The following RC3H2 variants were observed in gnomAD, a reference collection of about 807,000 sequenced individuals.
RC3H2 encodes roquin-2.
A neutral mutation model predicts 133.3 loss-of-function variants in RC3H2; 31 were observed. That is an observed-to-expected ratio of 0.23 (90% CI 0.17 to 0.31). The LOEUF is 0.31. Ranked by LOEUF, RC3H2 falls within the 10% of genes least tolerant of loss-of-function variation. The pLI is 1.00. For missense variants in RC3H2, 1,175 were observed against 1,437.2 expected (o/e 0.82, Z 2.95); for synonymous variants, 517 against 502.2 (o/e 1.03, Z -0.40).
chr9:122,874,375 T>C (rs1205869123), intron 9 of RC3H2: 1 of 152,010 alleles, frequency 6.6e-6, no homozygotes, highest in Non-Finnish European at 1.5e-5. Context: ...GATTGAGATA[T>C]AGGAAGATAC....
chr9:122,865,765 T>TTTTTTTTTTTTTTTTTTTTTTGAGACGGA, intron 9 of RC3H2, 108 bp from the exon 10 acceptor site: 2 of 900,014 alleles, frequency 2.2e-6, no homozygotes. Flanking sequence ...GAAACAGTTT[T>TTTTTTTTTTTTTTTTTTTTTTGAGACGGA]GACAAAAAGT....
rs1364387474 is a variant in RC3H2, at chr9:122,890,527, T to C, written c.368A>G (p.Gln123Arg). The change falls in exon 4 of 21, where the codon CAG (glutamine) becomes CGG (arginine). Residue 123 changes from glutamine (Q) to arginine (R), a missense_variant. By Grantham distance (43) the Gln-to-Arg change is conservative. Coordinates refer to ENST00000357244, the MANE Select transcript of RC3H2 (RefSeq NM_001100588.3). ...TTGCATTGGACGGCTCAGTGCACTC[T>C]GGTTCAAGCTAGCTACACCTTTAGG... ...SGGKGVASLN[Q>R]SALSRPMQRK... 5 of 1,612,840 alleles carry C rather than the reference T, an allele frequency of 3.1e-6. No homozygotes were observed. The highest frequency in any genetic ancestry group is 4.2e-6 in the Non-Finnish European group (5 of 1,178,840).
At position 122,859,991 on chromosome 9, in the gene RC3H2, T is replaced by C; in HGVS notation, c.1775A>G (p.His592Arg). 6.2e-7 allele frequency: 1 copy of C among 1,614,164 alleles called. No individual in the cohort carries two copies. Among genetic ancestry groups the C allele is most frequent in the Non-Finnish European group, 8.5e-7 (1 of 1,180,010 alleles). Residue 592 changes from histidine to arginine, a missense_variant, in exon 11 of 21, where the codon CAT becomes CGT. His to Arg is a conservative substitution (Grantham distance 29). Coordinates refer to ENST00000357244, the MANE Select transcript of RC3H2 (RefSeq NM_001100588.3). ...TTGAAAATACTGAATGTTTTCAGAA[T>C]GCGGAGGATATACTGGTACTCTAGT... ...FLTRVPVYPPHSENIQYFQDP... is the reference protein window; with the variant it reads ...FLTRVPVYPPRSENIQYFQDP...
At chr9:122,899,447 A>T (rs1414841026) in intron 1 of RC3H2, among the ~76,000 whole-genome samples, 4 of 152,230 alleles carry the variant, frequency 2.6e-5, no homozygotes, top group African/African-American at 4.8e-5. Flanking sequence ...AAAATGAATT[A>T]CAGGGCTTGC....
chr9:122,861,212 C>G (rs904945947), intron 10 of RC3H2, among the ~76,000 whole-genome samples: 8 of 152,022 alleles, frequency 5.3e-5, no homozygotes, highest in African/African-American at 1.9e-4. Context: ...AAATTTCGGC[C>G]GGGCACGGTG....
chr9:122,877,648 G>A, intron 8 of RC3H2, 65 bp from the exon 9 acceptor site: 3 of 1,235,814 alleles, frequency 2.4e-6, no homozygotes, highest in Admixed American at 3.6e-5. Flanking sequence ...TTCACTCTAG[G>A]AAGTTCAGAA....
intron 20 of RC3H2, 29 bp from the exon 21 acceptor site, chr9:122,849,851 A>C (rs781192213): frequency 1.4e-5 from 18 of 1,320,430 alleles, no homozygotes; most frequent in Non-Finnish European, 1.7e-5. Flanking sequence ...CATTAAAAAC[A>C]AATTAGCTTT....
At chr9:122,898,104 C>T (rs41304848) in intron 1 of RC3H2, 3,981 of 152,304 alleles carry the variant, frequency 0.026, 56 homozygotes, top group South Asian at 0.069. Context: ...TCTGACAAGA[C>T]TTGGCTAGGA....
intron 4 of RC3H2, among the ~76,000 whole-genome samples, chr9:122,886,434 C>T (rs916039319): frequency 1.3e-5 from 2 of 152,156 alleles, no homozygotes; most frequent in Non-Finnish European, 2.9e-5. Context: ...AATAAAACTG[C>T]TGGGTCATAT....
intron 4 of RC3H2, among the ~76,000 whole-genome samples, chr9:122,888,103 T>C (rs187419450): frequency 1.0e-3 from 152 of 152,248 alleles, no homozygotes; most frequent in East Asian, 2.9e-3. Flanking sequence ...ACATAATTAT[T>C]TGCTTGCTTG....
intron 20 of RC3H2, 98 bp from the exon 21 acceptor site, chr9:122,849,920 G>T: frequency 1.4e-6 from 1 of 734,664 alleles, no homozygotes; most frequent in Non-Finnish European, 2.1e-6. Context: ...CAAACTTTAG[G>T]AGTCTCTAGC....
chr9:122,851,051 C>G (rs1033150927), intron 20 of RC3H2, 30 bp downstream of exon 20: 3 of 1,612,310 alleles, frequency 1.9e-6, no homozygotes, highest in East Asian at 2.2e-5. Context: ...CCTATGCCCA[C>G]TGTTTATGAA....
chr9:122,877,386 G>T, intron 9 of RC3H2, 85 bp downstream of exon 9: 2 of 1,069,590 alleles, frequency 1.9e-6, no homozygotes, highest in South Asian at 1.4e-5. Flanking sequence ...ATTTTTGAAA[G>T]TCATCACAAA....
intron 3 of RC3H2, among the ~76,000 whole-genome samples, chr9:122,891,695 CAATA>C (rs890835700): frequency 5.9e-4 from 90 of 152,210 alleles, no homozygotes; most frequent in African/African-American, 2.2e-3. Context: ...GATAGCTGTT[CAATA>C]AATGAATGAA....
chr9:122,871,055 C>G (rs1172472036), intron 9 of RC3H2, among the ~76,000 whole-genome samples: 1 of 152,178 alleles, frequency 6.6e-6, no homozygotes, highest in Non-Finnish European at 1.5e-5. Context: ...CACTTAACCA[C>G]GAAAATAGAT....
rs1312789702 is a variant in RC3H2 at position 122,848,560 on chromosome 9, G to A, written c.*1067C>T. 1.3e-5 allele frequency: 2 copies of A among 152,064 alleles called. No individual in the cohort carries two copies. The highest frequency in any genetic ancestry group is 2.4e-5 in the African/African-American group (1 of 41,386). The allele number at this position is 152,064 out of a possible 1,614,324, so 9.4% of individuals were successfully genotyped here. On this transcript the variant is annotated 3_prime_UTR_variant, in exon 21 of 21. Coordinates refer to ENST00000357244, the MANE Select transcript of RC3H2 (RefSeq NM_001100588.3). ...AGTTCATAGTCTTATCAACCTAACAGTCAAAAAACAAGAAAAACTAAACCC... is the reference window on the plus strand; with the variant it reads ...AGTTCATAGTCTTATCAACCTAACAATCAAAAAACAAGAAAAACTAAACCC...
intron 9 of RC3H2, among the ~76,000 whole-genome samples, chr9:122,868,974 T>A (rs1321148205): frequency 6.8e-6 from 1 of 147,042 alleles, no homozygotes; most frequent in Non-Finnish European, 1.5e-5. Context: ...CGATCTCGGC[T>A]CACTGCAACC....
At chr9:122,866,352 T>C (rs1200409747) in intron 9 of RC3H2, among the ~76,000 whole-genome samples, 3 of 108,686 alleles carry the variant, frequency 2.8e-5, no homozygotes, top group Non-Finnish European at 3.7e-5. Flanking sequence ...TTTAAGAAAA[T>C]GTCTCCCTCT....
rs1283941873 is a variant in RC3H2, at chr9:122,879,833, C to A, written c.1134G>T (p.Met378Ile). ...SPTWEQLENAMVAVKTVVHGL... is the reference protein window; with the variant it reads ...SPTWEQLENAIVAVKTVVHGL... ...CATGAACTACTGTTTTAACAGCTACCATTGCATTTTCCAGCTGCTCCCAAG... is the reference window on the plus strand; with the variant it reads ...CATGAACTACTGTTTTAACAGCTACAATTGCATTTTCCAGCTGCTCCCAAG... Residue 378 changes from methionine to isoleucine, a missense_variant, in exon 8 of 21, where the codon ATG becomes ATT. By Grantham distance (10) the Met-to-Ile change is conservative (BLOSUM62 1). Transcript: ENST00000357244. The A allele has an allele frequency of 4.3e-6, 7 of 1,614,086 alleles. No homozygotes were observed. The highest frequency in any genetic ancestry group is 2.2e-5 in the South Asian group (2 of 91,084).
Sources: allele counts gnomAD v4.1 joint callset (sites outside exome capture counted in the v4.1 genomes callset), GRCh38; gene constraint gnomAD v4.1.1; transcripts MANE v1.5; gene names NCBI Gene and HGNC (gene_info 2026-07-23, HGNC 2026-07-21).